SLC9A4: variants seen among roughly 807,000 people sequenced by gnomAD.
SLC9A4 encodes the protein solute carrier family 9 member A4.
In SLC9A4, 63 loss-of-function variants were observed where a neutral mutation model predicts 67.4. That is an observed-to-expected ratio of 0.93 (90% confidence interval 0.76 to 1.15). SLC9A4 has a LOEUF of 1.15. SLC9A4 is among the 50% of genes most tolerant of loss of function. The pLI, the probability that SLC9A4 is intolerant of heterozygous loss-of-function variation, is 0.00. For synonymous variants in SLC9A4, 393 were observed against 367.2 expected, an observed-to-expected ratio of 1.07 and a Z score of -0.80; for missense variants, 1,089 against 987.7, an observed-to-expected ratio of 1.10 and a Z score of -1.38.
At chr2:102,483,599 T>G (rs1459594322) in intron 2 of SLC9A4, among the ~76,000 whole-genome samples, 2 of 152,034 alleles carry the variant, frequency 1.3e-5, no homozygotes, top group Non-Finnish European at 2.9e-5. Flanking sequence ...CTTGTCCCAC[T>G]TTTTTCTCCC....
chr2:102,483,876 T>C (rs1684528298), intron 2 of SLC9A4, among the ~76,000 whole-genome samples: 1 of 146,930 alleles, frequency 6.8e-6, no homozygotes, highest in African/African-American at 2.5e-5. Context: ...TGCACATATA[T>C]ACATATATAA....
At position 102,505,364 on chromosome 2, in the gene SLC9A4, C is replaced by T. The variant is rs1685029568; in HGVS notation, c.1091C>T (p.Thr364Ile). ...FMKMLSSVSE[T>I]LIFIFMGVST... is the part of the protein sequence containing the mutation. ...AAGATGCTGAGCAGCGTCAGCGAGA[C>T]CTTGATCTTCATCTTCATGGGTGTG... Residue 364 changes from threonine to isoleucine, a missense_variant, in exon 4 of 12, where the codon ACC becomes ATC. Coordinates refer to ENST00000295269, the MANE Select transcript of SLC9A4 (RefSeq NM_001011552.4). 4 of 1,614,096 alleles carry T rather than the reference C, an allele frequency of 2.5e-6. No individual in the cohort carries two copies. Among genetic ancestry groups the T allele is most frequent in the South Asian group, 1.1e-5 (1 of 91,086 alleles).
chr2:102,495,978 A>G (rs1036113181), intron 2 of SLC9A4, among the ~76,000 whole-genome samples: 4 of 152,198 alleles, frequency 2.6e-5, no homozygotes, highest in African/African-American at 9.6e-5. Context: ...GGAGTAGTCA[A>G]AAGACAGGAA....
chr2:102,532,260 T>C, intron 11 of SLC9A4, 70 bp from the exon 12 acceptor site: 1 of 1,484,896 alleles, frequency 6.7e-7, no homozygotes, highest in Non-Finnish European at 9.1e-7. Flanking sequence ...GTTCCTGCCA[T>C]GTGGATATTA....
chr2:102,502,360 AT>A (rs2104431691), intron 2 of SLC9A4, among the ~76,000 whole-genome samples: 1 of 152,320 alleles, frequency 6.6e-6, no homozygotes, highest in African/African-American at 2.4e-5. Context: ...ATAGGCTAGA[AT>A]CGTTTGGGGG....
chr2:102,476,391 C>T (rs1002642365), intron 1 of SLC9A4, among the ~76,000 whole-genome samples: 14 of 152,136 alleles, frequency 9.2e-5, no homozygotes, highest in Admixed American at 3.3e-4. Flanking sequence ...CTCTATTGTC[C>T]ATCATGAAAG....
intron 6 of SLC9A4, 54 bp from the exon 7 acceptor site, chr2:102,512,149 G>A: frequency 6.3e-7 from 1 of 1,598,232 alleles, no homozygotes; most frequent in Non-Finnish European, 8.6e-7. Context: ...TGTCCTGTGT[G>A]TCTTTCAGAG....
chr2:102,526,949 G>A lies in SLC9A4; in HGVS notation c.2038+603G>A, dbSNP rs114873064. On this transcript the variant is annotated intron_variant, in intron 11 of 11. Coordinates refer to ENST00000295269, the MANE Select transcript of SLC9A4 (RefSeq NM_001011552.4). ...GGTGACATAATATATGTAATATGCC[G>A]TGTTATCTATTTTTATTTTCCTAAT... 8.7e-3 allele frequency among the ~76,000 whole-genome samples: 1,321 copies of A among 152,078 alleles called. 17 individuals carry two copies. The highest frequency in any genetic ancestry group is 0.025 in the African/African-American group (1,039 of 41,476).
chr2:102,486,661 G>A (rs1204883753), intron 2 of SLC9A4, among the ~76,000 whole-genome samples: 2 of 152,168 alleles, frequency 1.3e-5, no homozygotes, highest in African/African-American at 2.4e-5. Context: ...GGACCTACAA[G>A]TTGCACGATC....
chr2:102,486,791 G>A (rs1213587991), intron 2 of SLC9A4, among the ~76,000 whole-genome samples: 2 of 152,210 alleles, frequency 1.3e-5, no homozygotes, highest in Admixed American at 6.5e-5. Context: ...CTGGCACAGG[G>A]CAGGTGATAC....
Position 102,525,011 on chromosome 2 carries a change from A to G in SLC9A4, c.1819-13A>G. 6.2e-7 allele frequency: 1 copy of G among 1,613,556 alleles called. No homozygotes were observed. Among genetic ancestry groups the G allele is most frequent in the Non-Finnish European group, 8.5e-7 (1 of 1,179,742 alleles). The stretch of plus-strand genomic sequence containing the variant: ...GGAGTCCTTACGTATTTGACATTCC[A>G]TTTTCTCTGCAGACCCTGTCCTACA... On this transcript the variant is annotated splice_polypyrimidine_tract_variant and intron_variant, in intron 9 of 11. Coordinates refer to ENST00000295269, the MANE Select transcript of SLC9A4 (RefSeq NM_001011552.4).
At chr2:102,514,337 A>AG (rs1435983741) in intron 8 of SLC9A4, 86 bp downstream of exon 8, 10 of 801,444 alleles carry the variant, frequency 1.2e-5, no homozygotes, top group Non-Finnish European at 1.9e-5. Flanking sequence ...AAGGTATACG[A>AG]GGAGTAAAGA....
At chr2:102,515,322 C>T (rs1573351101) in intron 8 of SLC9A4, among the ~76,000 whole-genome samples, 1 of 151,378 alleles carries the variant, frequency 6.6e-6, no homozygotes, top group South Asian at 2.1e-4. Context: ...ATCAGAAACA[C>T]CCTTGCATTT....
At chr2:102,516,521 A>T (rs2104442808) in intron 8 of SLC9A4, among the ~76,000 whole-genome samples, 1 of 152,324 alleles carries the variant, frequency 6.6e-6, no homozygotes, top group South Asian at 2.1e-4. Context: ...GATAACAACA[A>T]AATGCACAGG....
At chr2:102,474,312 T>C (rs1355084050) in intron 1 of SLC9A4, among the ~76,000 whole-genome samples, 1 of 152,212 alleles carries the variant, frequency 6.6e-6, no homozygotes, top group Non-Finnish European at 1.5e-5. Context: ...TCAAATTCTA[T>C]GCTTTAAAAA....
At chr2:102,501,690 GT>G (rs1395889208) in intron 2 of SLC9A4, among the ~76,000 whole-genome samples, 1 of 152,010 alleles carries the variant, frequency 6.6e-6, no homozygotes, top group Non-Finnish European at 1.5e-5. Context: ...ACAGCAAGGG[GT>G]TGGTGTGCAC....
chr2:102,479,428 CA>C, intron 2 of SLC9A4, 126 bp downstream of exon 2: 2 of 1,005,360 alleles, frequency 2.0e-6, no homozygotes, highest in Non-Finnish European at 2.9e-6. Flanking sequence ...AGCTTCAGCC[CA>C]TGCGGTGTGG....
intron 4 of SLC9A4, among the ~76,000 whole-genome samples, chr2:102,506,471 A>T (rs1189174805): frequency 1.3e-5 from 2 of 152,210 alleles, no homozygotes; most frequent in Non-Finnish European, 2.9e-5. Context: ...TAAAATATCT[A>T]TAAGTAACTC....
intron 2 of SLC9A4, among the ~76,000 whole-genome samples, chr2:102,484,909 C>T (rs1684553777): frequency 6.6e-6 from 1 of 152,198 alleles, no homozygotes; most frequent in African/African-American, 2.4e-5. Flanking sequence ...CTTGCTCCCT[C>T]CTCTGGTGAC....
Sources: allele counts gnomAD v4.1 joint callset (sites outside exome capture counted in the v4.1 genomes callset), GRCh38; gene constraint gnomAD v4.1.1; transcripts MANE v1.5; gene names NCBI Gene and HGNC (gene_info 2026-07-23, HGNC 2026-07-21).